Variants in GPC3 observed in about 807,000 individuals in gnomAD.
The protein encoded by GPC3 is glypican 3.
A neutral mutation model predicts 34.4 loss-of-function variants in GPC3; 3 were observed. The observed-to-expected ratio is 0.09, with a 90% CI of 0.04 to 0.23. The LOEUF (loss-of-function observed/expected upper bound fraction) is 0.23. GPC3 is among the 10% of genes least tolerant of loss of function. The probability of loss-of-function intolerance (pLI) is 1.00; values close to 1 mark genes in which losing one functional copy is unlikely to be tolerated. For missense variants in GPC3, 351 were observed against 445.6 expected (o/e 0.79, Z 1.91); for synonymous variants, 177 against 174.0 (o/e 1.02, Z -0.13).
At chrX:133,833,433 T>G (rs1214985464) in intron 2 of GPC3, among the ~76,000 whole-genome samples, 1 of 111,267 alleles carries the variant, frequency 9.0e-6, no homozygotes, top group Admixed American at 9.6e-5. Flanking sequence ...AGGGTCTGAT[T>G]AAAATCGAGA....
chrX:133,886,596 T>C (rs1013958826), intron 2 of GPC3, among the ~76,000 whole-genome samples: 1 of 111,774 alleles, frequency 8.9e-6, no homozygotes, highest in African/African-American at 3.3e-5. Flanking sequence ...TTGATTATCA[T>C]CTCCCCATTC....
chrX:133,792,551 C>T lies in GPC3; in HGVS notation c.338-38375G>A, dbSNP rs115320704. On this transcript the variant is annotated intron_variant, in intron 2 of 7. Coordinates refer to ENST00000370818, the MANE Select transcript of GPC3 (RefSeq NM_004484.4). Reference sequence around the variant, plus strand: ...CCAAGTACCAGAGAGAAGGCTCAGGCATTTGTTTCCCCCTAAGCTCCTGGA... The same window carrying T: ...CCAAGTACCAGAGAGAAGGCTCAGGTATTTGTTTCCCCCTAAGCTCCTGGA... 9.1e-3 allele frequency among the ~76,000 whole-genome samples: 1,006 copies of T among 111,022 alleles called. 23 individuals carry two copies. The highest frequency in any genetic ancestry group is 0.032 in the African/African-American group (968 of 30,490).
chrX:133,549,733 CTCTT>C (rs1181818902), intron 7 of GPC3, among the ~76,000 whole-genome samples: 2 of 95,439 alleles, frequency 2.1e-5, no homozygotes, highest in African/African-American at 3.9e-5. Context: ...CCCTCTCTCT[CTCTT>C]TACCATCCTC....
At chrX:133,547,529 C>T (rs758998225) in intron 7 of GPC3, among the ~76,000 whole-genome samples, 26 of 111,053 alleles carry the variant, frequency 2.3e-4, no homozygotes, top group Non-Finnish European at 4.3e-4. Flanking sequence ...TTAAGTTGTG[C>T]AAAAGAATGA....
intron 3 of GPC3, among the ~76,000 whole-genome samples, chrX:133,743,862 A>T (rs1205574043): frequency 2.7e-5 from 3 of 111,943 alleles, no homozygotes; most frequent in Middle Eastern, 4.2e-3. Context: ...AACGCCACAC[A>T]TCTACAACCA....
intron 2 of GPC3, among the ~76,000 whole-genome samples, chrX:133,891,528 G>A (rs1603266877): frequency 1.8e-5 from 2 of 110,380 alleles, no homozygotes; most frequent in South Asian, 7.7e-4. Context: ...CAACACTTTG[G>A]AAGGCCAAGG....
intron 2 of GPC3, among the ~76,000 whole-genome samples, chrX:133,850,996 C>T (rs1312390174): frequency 1.8e-5 from 2 of 110,129 alleles, no homozygotes; most frequent in African/African-American, 3.3e-5. Flanking sequence ...CCCAGCTACT[C>T]GGGAGGCTGA....
chrX:133,952,896 GT>G (rs1288307161), intron 2 of GPC3, among the ~76,000 whole-genome samples, 153 bp downstream of exon 2: 1 of 112,073 alleles, frequency 8.9e-6, no homozygotes, highest in African/African-American at 3.2e-5. Flanking sequence ...CTGAAAATGT[GT>G]TTTTTTAAAC....
chrX:133,798,208 T>TA (rs1215744934), intron 2 of GPC3, among the ~76,000 whole-genome samples: 1 of 111,650 alleles, frequency 9.0e-6, no homozygotes, highest in Non-Finnish European at 1.9e-5. Flanking sequence ...TGTAAATAAT[T>TA]AAAAGAGGAC....
intron 6 of GPC3, among the ~76,000 whole-genome samples, chrX:133,603,501 T>C (rs1308057892): frequency 8.9e-6 from 1 of 112,175 alleles, no homozygotes; most frequent in Non-Finnish European, 1.9e-5. Context: ...CATGTTGGAA[T>C]CCTTAGTAAA....
chrX:133,984,172 G>A (rs1005862707), intron 1 of GPC3, among the ~76,000 whole-genome samples: 1 of 113,744 alleles, frequency 8.8e-6, no homozygotes, highest in Non-Finnish European at 1.9e-5. Flanking sequence ...TCCCTCGGAA[G>A]CGCGGGACGC....
chrX:133,615,216 C>T (rs752073622), intron 6 of GPC3, among the ~76,000 whole-genome samples: 3 of 111,288 alleles, frequency 2.7e-5, no homozygotes, highest in Non-Finnish European at 5.7e-5. Flanking sequence ...TACCCTAACA[C>T]TAAAACCAGG....
intron 2 of GPC3, among the ~76,000 whole-genome samples, chrX:133,832,486 A>G (rs1392076272): frequency 9.2e-6 from 1 of 108,291 alleles, no homozygotes; most frequent in East Asian, 2.9e-4. Context: ...TTTTATGGAG[A>G]AATCCCTTAC....
chrX:133,695,686 C>T (rs1023028052), intron 4 of GPC3, among the ~76,000 whole-genome samples: 1 of 111,963 alleles, frequency 8.9e-6, no homozygotes, highest in Non-Finnish European at 1.9e-5. Flanking sequence ...ATATTTCTTC[C>T]TCCATCTTCT....
intron 5 of GPC3, among the ~76,000 whole-genome samples, chrX:133,688,343 G>A (rs1846917448): frequency 8.9e-6 from 1 of 111,816 alleles, no homozygotes; most frequent in South Asian, 3.8e-4. Context: ...GGGTGGTGGT[G>A]GGAAGCTGAG....
intron 2 of GPC3, among the ~76,000 whole-genome samples, chrX:133,888,429 G>A (rs1280831329): frequency 9.0e-6 from 1 of 111,712 alleles, no homozygotes; most frequent in Admixed American, 9.5e-5. Flanking sequence ...AATCCTTTGG[G>A]TATATGCCCA....
rs1377961099 is a variant in GPC3, at chrX:133,758,969, C to T, written c.338-4793G>A. Among the ~76,000 whole-genome samples the T allele has an allele frequency of 9.0e-5, 10 of 111,072 alleles. 2 individuals are homozygous for T. Among genetic ancestry groups the T allele is most frequent in the Admixed American group, 7.7e-4 (8 of 10,442 alleles). Reference sequence around the variant, plus strand: ...TAACGGTGAGCAACTGCATGCTTTCCCCTTAACATCAGGAACTAGGCAAGA... The same window carrying T: ...TAACGGTGAGCAACTGCATGCTTTCTCCTTAACATCAGGAACTAGGCAAGA... On this transcript the variant is annotated intron_variant, in intron 2 of 7. Coordinates refer to ENST00000370818, the MANE Select transcript of GPC3 (RefSeq NM_004484.4).
At chrX:133,737,440 G>T (rs2071522228) in intron 3 of GPC3, among the ~76,000 whole-genome samples, 1 of 112,008 alleles carries the variant, frequency 8.9e-6, no homozygotes, top group Non-Finnish European at 1.9e-5. Flanking sequence ...GTGAGGGAGG[G>T]TGTGTGTGTG....
chrX:133,607,578 C>T (rs1039396005), intron 6 of GPC3, among the ~76,000 whole-genome samples: 1 of 112,092 alleles, frequency 8.9e-6, no homozygotes, highest in Non-Finnish European at 1.9e-5. Context: ...TATTCATTGA[C>T]TTGATTTTTT....
Sources: allele counts gnomAD v4.1 joint callset (sites outside exome capture counted in the v4.1 genomes callset), GRCh38; gene constraint gnomAD v4.1.1; transcripts MANE v1.5; gene names NCBI Gene and HGNC (gene_info 2026-07-23, HGNC 2026-07-21).